TXNRD1: variants seen among roughly 807,000 people sequenced by gnomAD.
TXNRD1 encodes the protein thioredoxin reductase 1, cytoplasmic.
Under a neutral mutation model 80.3 loss-of-function variants are expected in TXNRD1, and 57 were observed. That is an observed-to-expected ratio of 0.71 (90% CI 0.57 to 0.89). The LOEUF (loss-of-function observed/expected upper bound fraction) is 0.89. TXNRD1 is among the 40% of genes least tolerant of loss of function. The pLI is 0.00. For missense variants in TXNRD1, 730 were observed against 803.0 expected (o/e 0.91, Z 1.10); for synonymous variants, 291 against 285.2 (o/e 1.02, Z -0.20).
Position 104,318,917 on chromosome 12 carries a change from G to C in TXNRD1, c.735G>C (p.Lys245Asn). ...TTGTTTTATTTTCTTATACAGTTAAGCATGATTGGGACAGAATGATAGAAG... is the reference window on the plus strand; with the variant it reads ...TTGTTTTATTTTCTTATACAGTTAACCATGATTGGGACAGAATGATAGAAG... ...NYGWKVEETV[K>N]HDWDRMIEAV... The change falls in exon 8 of 17, where the codon AAG (lysine) becomes AAC (asparagine). Residue 245 changes from lysine (K) to asparagine (N), a missense_variant. Transcript: ENST00000525566. 6.2e-7 allele frequency: 1 copy of C among 1,607,264 alleles called. No homozygotes were observed. Among genetic ancestry groups the C allele is most frequent in the South Asian group, 1.1e-5 (1 of 89,190 alleles).
chr12:104,330,120 T>A (rs1477606205), intron 13 of TXNRD1, among the ~76,000 whole-genome samples: 1 of 152,236 alleles, frequency 6.6e-6, no homozygotes, highest in Non-Finnish European at 1.5e-5. Context: ...TCTATGTATT[T>A]TTTTTTAGAG....
At position 104,334,027 on chromosome 12, in the gene TXNRD1, A is replaced by G. The variant is rs180886636; in HGVS notation, c.1651-210A>G. Reference sequence around the variant, plus strand: ...GTACTATTTTGAGGTAGAGATATACATAATTAAGGGATGAGCTTATAGCAA... The same window carrying G: ...GTACTATTTTGAGGTAGAGATATACGTAATTAAGGGATGAGCTTATAGCAA... On this transcript the variant is annotated intron_variant, in intron 14 of 16. Coordinates refer to ENST00000525566, the MANE Select transcript of TXNRD1 (RefSeq NM_001093771.3). The G allele has an allele frequency of 1.3e-3, 408 of 323,036 alleles. 1 individual carries two copies. Among genetic ancestry groups the G allele is most frequent in the African/African-American group, 7.9e-3 (369 of 46,712 alleles). 20.0% of individuals were successfully genotyped at this position (323,036 alleles called of 1,614,324 possible).
At chr12:104,227,672 G>A (rs188305415) in intron 1 of TXNRD1, among the ~76,000 whole-genome samples, 31 of 152,274 alleles carry the variant, frequency 2.0e-4, no homozygotes, top group Non-Finnish European at 4.0e-4. Flanking sequence ...TGTGGTTACA[G>A]CCTCCCCAGT....
chr12:104,224,400 G>GT (rs1055341117), intron 1 of TXNRD1, among the ~76,000 whole-genome samples: 16 of 151,920 alleles, frequency 1.1e-4, no homozygotes, highest in African/African-American at 2.7e-4. Context: ...TTTTATTTAT[G>GT]TTTTTTTGAA....
chr12:104,225,046 A>G (rs2032441948), intron 1 of TXNRD1: 7 of 357,738 alleles, frequency 2.0e-5, no homozygotes, highest in Admixed American at 1.1e-4. Flanking sequence ...TAATTAGATA[A>G]TATTTATTCA....
chr12:104,290,972 T>G, intron 4 of TXNRD1: 1 of 664,042 alleles, frequency 1.5e-6, no homozygotes. Flanking sequence ...TTTTTTTAAT[T>G]GAAAACTTTT....
At chr12:104,295,188 C>A (rs1030641607) in intron 4 of TXNRD1, among the ~76,000 whole-genome samples, 1 of 152,034 alleles carries the variant, frequency 6.6e-6, no homozygotes, top group Non-Finnish European at 1.5e-5. Flanking sequence ...GCTCCTCCTA[C>A]TTCTACCAGG....
intron 3 of TXNRD1, among the ~76,000 whole-genome samples, chr12:104,281,558 T>C (rs919091695): frequency 5.3e-5 from 8 of 151,766 alleles, no homozygotes; most frequent in African/African-American, 1.9e-4. Context: ...AGGCGCCTGC[T>C]ACCACGCCCG....
At chr12:104,298,011 A>G (rs1413274057) in intron 4 of TXNRD1, among the ~76,000 whole-genome samples, 3 of 152,242 alleles carry the variant, frequency 2.0e-5, no homozygotes, top group Admixed American at 6.5e-5. Flanking sequence ...CATTAAGTAT[A>G]TGATTTGACC....
intron 3 of TXNRD1, chr12:104,280,767 G>A (rs569946990): frequency 4.4e-4 from 67 of 152,194 alleles, no homozygotes; most frequent in African/African-American, 1.5e-3. Flanking sequence ...ACCACCGTTA[G>A]TCTCAAGATT....
chr12:104,233,684 G>A (rs920960787), intron 1 of TXNRD1, among the ~76,000 whole-genome samples: 1 of 152,088 alleles, frequency 6.6e-6, no homozygotes, highest in East Asian at 1.9e-4. Context: ...ACTACGCCTG[G>A]CTAATTTTCG....
At chr12:104,273,066 C>T (rs1055179388) in intron 3 of TXNRD1, among the ~76,000 whole-genome samples, 1 of 152,168 alleles carries the variant, frequency 6.6e-6, no homozygotes. Flanking sequence ...GCCATGTCTG[C>T]ATATCTGCAA....
At chr12:104,237,741 G>T (rs77400777) in intron 1 of TXNRD1, among the ~76,000 whole-genome samples, 3 of 152,180 alleles carry the variant, frequency 2.0e-5, no homozygotes, top group East Asian at 1.9e-4. Flanking sequence ...TAGGCCAGAC[G>T]TGGTGGCTCA....
chr12:104,338,643 G>C (rs1235544567), intron 15 of TXNRD1, among the ~76,000 whole-genome samples: 2 of 151,550 alleles, frequency 1.3e-5, no homozygotes, highest in Non-Finnish European at 2.9e-5. Flanking sequence ...GTTGCGGTGA[G>C]TGGAGATCGC....
intron 1 of TXNRD1, among the ~76,000 whole-genome samples, chr12:104,221,608 G>A (rs1204766154): frequency 1.3e-5 from 2 of 152,190 alleles, no homozygotes; most frequent in South Asian, 2.1e-4. Flanking sequence ...ATGAGCCACC[G>A]CTCCCGGCCA....
At chr12:104,278,426 C>T (rs1390986765) in intron 3 of TXNRD1, among the ~76,000 whole-genome samples, 2 of 151,448 alleles carry the variant, frequency 1.3e-5, no homozygotes, top group African/African-American at 2.4e-5. Context: ...GTCTCGATCT[C>T]CTGACCTCGT....
At position 104,339,131 on chromosome 12, in the gene TXNRD1, T is replaced by G; in HGVS notation, c.1747-8T>G. 1 of 1,613,492 alleles carries G rather than the reference T, an allele frequency of 6.2e-7. No homozygotes were observed. The highest frequency in any genetic ancestry group is 8.5e-7 in the Non-Finnish European group (1 of 1,179,668). Reference sequence around the variant, plus strand: ...TTAATTGCATTATTGTATTTTTTTTTGCCTTAGGAACGTGTTGTGGGCTTT... The same window carrying G: ...TTAATTGCATTATTGTATTTTTTTTGGCCTTAGGAACGTGTTGTGGGCTTT... On this transcript the variant is annotated splice_polypyrimidine_tract_variant and splice_region_variant and intron_variant, in intron 15 of 16. Transcript: ENST00000525566.
At chr12:104,313,096 A>AATC in intron 5 of TXNRD1, 149 bp from the exon 6 acceptor site, 1 of 559,522 alleles carries the variant, frequency 1.8e-6, no homozygotes, top group African/African-American at 1.9e-5. Flanking sequence ...GAGTTTAACT[A>AATC]ATCATCATGG....
intron 3 of TXNRD1, among the ~76,000 whole-genome samples, chr12:104,277,514 G>A: frequency 6.6e-6 from 1 of 152,132 alleles, no homozygotes; most frequent in Non-Finnish European, 1.5e-5. Flanking sequence ...GGTGAGCTAT[G>A]ATTGTGCCAC....
Sources: allele counts gnomAD v4.1 joint callset (sites outside exome capture counted in the v4.1 genomes callset), GRCh38; gene constraint gnomAD v4.1.1; transcripts MANE v1.5; gene names NCBI Gene and HGNC (gene_info 2026-07-23, HGNC 2026-07-21).